PKD2L1: variants seen among roughly 807,000 people sequenced by gnomAD.
PKD2L1 encodes the protein polycystin 2 like 1, transient receptor potential cation channel, also known as polycystin-2-like protein 1.
A neutral mutation model predicts 93.0 loss-of-function variants in PKD2L1; 77 were observed. The observed-to-expected ratio is 0.83, with a 90% confidence interval of 0.69 to 1.00. PKD2L1 has a LOEUF of 1.00. PKD2L1 is among the 50% of genes least tolerant of loss of function. The pLI is 0.00. For synonymous variants in PKD2L1, 390 were observed against 388.0 expected (o/e 1.01, Z -0.06); for missense variants, 977 against 990.9 (o/e 0.99, Z 0.19).
At chr10:100,321,278 T>C (rs573110441) in intron 2 of PKD2L1, among the ~76,000 whole-genome samples, 3 of 151,952 alleles carry the variant, frequency 2.0e-5, no homozygotes, top group African/African-American at 7.2e-5. Flanking sequence ...GCCAATATGG[T>C]GAAACCTCAT....
At position 100,292,871 on chromosome 10, in the gene PKD2L1, T is replaced by C. The variant is rs1174983569; in HGVS notation, c.1880+77A>G. 10 of 1,480,700 alleles carry C rather than the reference T, an allele frequency of 6.8e-6. No homozygotes were observed. The African/African-American group carries it at 1.1e-4, about 17-fold the overall frequency. The allele number at this position is 1,480,700 out of a possible 1,614,324, so 91.7% of individuals were successfully genotyped here. A position where few individuals can be genotyped will look rare whatever the true frequency, so the allele number is the denominator to read the frequency against. ...CCCCTAAACTAAAACCAAAGGCTTATAAGCAAATGAAGTATGGTTGAGGGT... is the reference window on the plus strand; with the variant it reads ...CCCCTAAACTAAAACCAAAGGCTTACAAGCAAATGAAGTATGGTTGAGGGT... On this transcript the variant is annotated intron_variant, in intron 11 of 15. Transcript: ENST00000318222.
chr10:100,320,564 T>C lies in PKD2L1; in HGVS notation c.349+8647A>G, dbSNP rs1209229295. Among the ~76,000 whole-genome samples, 5 of 152,170 alleles carry C rather than the reference T, an allele frequency of 3.3e-5. No homozygotes were observed. In the South Asian group the frequency reaches 1.0e-3, roughly 31 times the overall value. ...TGATTCCTCACCTAGGGTCTAATGG[T>C]CCAAGTTCCCCACTTTCCCTTTCCT... On this transcript the variant is annotated intron_variant, in intron 2 of 15. Coordinates refer to ENST00000318222, the MANE Select transcript of PKD2L1 (RefSeq NM_016112.3).
At chr10:100,315,979 G>C (rs903787458) in intron 2 of PKD2L1, among the ~76,000 whole-genome samples, 1 of 152,076 alleles carries the variant, frequency 6.6e-6, no homozygotes, top group Non-Finnish European at 1.5e-5. Flanking sequence ...GATGACTTTG[G>C]GCTTCCCCAG....
At chr10:100,294,810 T>C in intron 8 of PKD2L1, 132 bp downstream of exon 8, 1 of 1,312,182 alleles carries the variant, frequency 7.6e-7, no homozygotes, top group Non-Finnish European at 1.1e-6. Context: ...CCAGGGCTTC[T>C]GGAGACCCTC....
At chr10:100,314,089 C>G (rs1848998793) in intron 2 of PKD2L1, among the ~76,000 whole-genome samples, 2 of 152,154 alleles carry the variant, frequency 1.3e-5, no homozygotes, top group African/African-American at 4.8e-5. Flanking sequence ...CCACAGACTG[C>G]TGGGATTACA....
At chr10:100,315,584 CTA>C (rs1849084150) in intron 2 of PKD2L1, among the ~76,000 whole-genome samples, 1 of 152,000 alleles carries the variant, frequency 6.6e-6, no homozygotes, top group Non-Finnish European at 1.5e-5. Context: ...TTCACATTCT[CTA>C]TGTTATTTGA....
intron 12 of PKD2L1, 78 bp from the exon 13 acceptor site, chr10:100,290,597 C>T: frequency 1.2e-6 from 1 of 867,630 alleles, no homozygotes; most frequent in Non-Finnish European, 1.9e-6. Context: ...ACCTACTCTA[C>T]TGGGATCTCA....
chr10:100,296,012 G>A, intron 7 of PKD2L1, 110 bp downstream of exon 7: 6 of 958,952 alleles, frequency 6.3e-6, no homozygotes, highest in Non-Finnish European at 9.2e-6. Context: ...ACTCCAGCCT[G>A]GGCAAGAGCG....
chr10:100,293,215 C>A, intron 10 of PKD2L1, 66 bp downstream of exon 10: 1 of 1,521,672 alleles, frequency 6.6e-7, no homozygotes, highest in South Asian at 1.1e-5. Context: ...AGGAACAGAC[C>A]AGGACACAGA....
At chr10:100,324,732 G>A (rs530775476) in intron 2 of PKD2L1, among the ~76,000 whole-genome samples, 20 of 152,320 alleles carry the variant, frequency 1.3e-4, no homozygotes, top group African/African-American at 3.6e-4. Context: ...AGGTCACAAA[G>A]CCAGGAAGTA....
At chr10:100,297,705 TGTGTG>T in intron 4 of PKD2L1, 99 bp from the exon 5 acceptor site, 1 of 43,604 alleles carries the variant, frequency 2.3e-5, no homozygotes, top group Non-Finnish European at 4.9e-5. Flanking sequence ...TTACATATTG[TGTGTG>T]TGTGTGTGTG....
chr10:100,328,646 G>A (rs897764375), intron 2 of PKD2L1, among the ~76,000 whole-genome samples: 1 of 151,624 alleles, frequency 6.6e-6, no homozygotes, highest in Admixed American at 6.6e-5. Flanking sequence ...CCAGGCTGGA[G>A]TGTAGTGGCA....
chr10:100,288,271 T>C lies in PKD2L1; in HGVS notation c.*125A>G. 2.9e-6 allele frequency: 2 copies of C among 684,888 alleles called. No individual in the cohort carries two copies. Among genetic ancestry groups the C allele is most frequent in the Non-Finnish European group, 5.3e-6 (2 of 377,934 alleles). 42.4% of individuals were successfully genotyped at this position (684,888 alleles called of 1,614,324 possible). A position where few individuals can be genotyped will look rare whatever the true frequency, so the allele number is the denominator to read the frequency against. On this transcript the variant is annotated 3_prime_UTR_variant, in exon 16 of 16. Coordinates refer to ENST00000318222, the MANE Select transcript of PKD2L1 (RefSeq NM_016112.3). ...TGAATCCTGAGTTCATTTCCTTGCC[T>C]GATTCCCTTCAGGCTCCATTTTTAT... is the stretch of plus-strand genomic sequence containing the variant.
At chr10:100,310,885 A>AT (rs965201512) in intron 2 of PKD2L1, among the ~76,000 whole-genome samples, 3 of 152,128 alleles carry the variant, frequency 2.0e-5, no homozygotes, top group Admixed American at 2.0e-4. Context: ...AATTTTTTAT[A>AT]TTTTTAGTAG....
intron 5 of PKD2L1, 76 bp from the exon 6 acceptor site, chr10:100,297,284 C>A: frequency 2.6e-6 from 4 of 1,539,526 alleles, no homozygotes; most frequent in Non-Finnish European, 3.6e-6. Flanking sequence ...TCCTCTCCAC[C>A]CCCACCACAG....
intron 4 of PKD2L1, 63 bp downstream of exon 4, chr10:100,298,499 C>G: frequency 6.4e-7 from 1 of 1,559,736 alleles, no homozygotes; most frequent in Non-Finnish European, 8.7e-7. Flanking sequence ...GTTCCCAGAC[C>G]TTGGGATGGT....
intron 2 of PKD2L1, among the ~76,000 whole-genome samples, chr10:100,317,519 C>T (rs888183992): frequency 1.3e-5 from 2 of 152,118 alleles, no homozygotes; most frequent in Non-Finnish European, 2.9e-5. Flanking sequence ...GCCTCAGTGA[C>T]AGGGTGAGAC....
intron 7 of PKD2L1, 92 bp downstream of exon 7, chr10:100,296,030 A>C: frequency 8.6e-7 from 1 of 1,167,038 alleles, no homozygotes; most frequent in Non-Finnish European, 1.2e-6. Context: ...GCGAGACTCC[A>C]TCTCAAAAAA....
At chr10:100,316,235 C>T (rs945206630) in intron 2 of PKD2L1, among the ~76,000 whole-genome samples, 16 of 152,320 alleles carry the variant, frequency 1.1e-4, no homozygotes, top group South Asian at 6.2e-4. Flanking sequence ...TGCAATGGCA[C>T]GATCTCAGCT....
Sources: gnomAD v4.1 joint callset for allele counts (sites outside exome capture counted in the v4.1 genomes callset) on GRCh38, gnomAD v4.1.1 for gene constraint, MANE v1.5 for transcripts, NCBI Gene and HGNC (gene_info 2026-07-23, HGNC 2026-07-21) for gene names.